ITPR2: variants seen among roughly 807,000 people sequenced by gnomAD.
The protein encoded by ITPR2 is inositol 1,4,5-trisphosphate receptor type 2.
A neutral mutation model predicts 317.1 loss-of-function variants in ITPR2; 207 were observed. The ratio of observed to expected loss-of-function variants is 0.65; its 90% CI spans 0.58 to 0.73. ITPR2 has a LOEUF of 0.73. Ranked by LOEUF, ITPR2 falls within the 30% of genes least tolerant of loss-of-function variation. ITPR2 has a pLI of 0.00. For synonymous variants in ITPR2, 1,156 were observed against 1,149.1 expected (o/e 1.01, Z -0.12); for missense variants, 2,613 against 3,284.0 (o/e 0.80, Z 4.99).
chr12:26,810,328 A>C (rs1220430232), intron 1 of ITPR2, among the ~76,000 whole-genome samples: 1 of 152,186 alleles, frequency 6.6e-6, no homozygotes, highest in Non-Finnish European at 1.5e-5. Flanking sequence ...TTCAGTGTTA[A>C]ATCAGTGAAA....
intron 52 of ITPR2, among the ~76,000 whole-genome samples, chr12:26,406,252 A>C (rs1408276277): frequency 6.6e-6 from 1 of 152,090 alleles, no homozygotes; most frequent in East Asian, 1.9e-4. Flanking sequence ...AATTTGAATT[A>C]TTCATAAATG....
At chr12:26,810,462 G>A (rs936511203) in intron 1 of ITPR2, among the ~76,000 whole-genome samples, 2 of 152,090 alleles carry the variant, frequency 1.3e-5, no homozygotes, top group Non-Finnish European at 1.5e-5. Flanking sequence ...AGCACAGCCC[G>A]GCTCAGACAT....
chr12:26,596,159 T>C (rs1254646231), intron 31 of ITPR2, among the ~76,000 whole-genome samples: 3 of 152,240 alleles, frequency 2.0e-5, no homozygotes, highest in African/African-American at 7.2e-5. Flanking sequence ...CTGCAGAGTC[T>C]TTTATGTGGT....
chr12:26,557,941 C>A (rs1408292486), intron 35 of ITPR2, among the ~76,000 whole-genome samples: 1 of 151,950 alleles, frequency 6.6e-6, no homozygotes, highest in African/African-American at 2.4e-5. Flanking sequence ...AGAACATTGC[C>A]AATTGCTTAT....
In ITPR2 at chr12:26,556,412, G is replaced by C. The variant is rs770884726; in HGVS notation, c.4822-37C>G. On this transcript the variant is annotated intron_variant, in intron 35 of 56. Transcript: ENST00000381340. ...AACACAAGAGAACCCACATGAAGGC[G>C]TAAGTCAGATTTCATCTTTCGAAGA... 1.5e-5 allele frequency: 23 copies of C among 1,585,092 alleles called. 1 individual carries two copies. Among genetic ancestry groups the C allele is most frequent in the Admixed American group, 5.6e-5 (3 of 54,036 alleles).
chr12:26,414,041 G>GTA (rs570840795), intron 51 of ITPR2, among the ~76,000 whole-genome samples: 2,381 of 61,664 alleles, frequency 0.039, 31 homozygotes, highest in South Asian at 0.094. Flanking sequence ...TAGTCTACAT[G>GTA]TATATATGTA....
intron 10 of ITPR2, among the ~76,000 whole-genome samples, chr12:26,693,417 A>G (rs147329365): frequency 6.6e-6 from 1 of 152,292 alleles, no homozygotes; most frequent in African/African-American, 2.4e-5. Context: ...TCCATACCCT[A>G]TGTAGTCAAC....
chr12:26,343,500 C>T (rs377471476), intron 55 of ITPR2, among the ~76,000 whole-genome samples: 5 of 152,126 alleles, frequency 3.3e-5, no homozygotes, highest in South Asian at 4.1e-4. Context: ...ATGTGCTTCA[C>T]GCCACAAAAC....
intron 20 of ITPR2, among the ~76,000 whole-genome samples, 177 bp downstream of exon 20, chr12:26,655,531 G>A (rs528564709): frequency 2.0e-4 from 30 of 150,854 alleles, no homozygotes; most frequent in Admixed American, 1.1e-3. Flanking sequence ...GGAGAATGGC[G>A]TGAACCCGGG....
At chr12:26,792,257 T>G (rs961259906) in intron 1 of ITPR2, among the ~76,000 whole-genome samples, 7 of 152,050 alleles carry the variant, frequency 4.6e-5, no homozygotes, top group African/African-American at 1.4e-4. Flanking sequence ...CCTGAAGACT[T>G]AAAGAATTGG....
intron 55 of ITPR2, among the ~76,000 whole-genome samples, chr12:26,357,380 G>C (rs1469781279): frequency 6.6e-6 from 1 of 152,210 alleles, no homozygotes; most frequent in Non-Finnish European, 1.5e-5. Flanking sequence ...ACACACTAAT[G>C]TGTAGGGAGG....
chr12:26,497,131 T>A (rs551805207), intron 37 of ITPR2, among the ~76,000 whole-genome samples: 2 of 150,430 alleles, frequency 1.3e-5, no homozygotes, highest in East Asian at 4.0e-4. Flanking sequence ...TTAACCAAAT[T>A]GAACCATGTG....
At chr12:26,504,185 CCCT>C (rs1028344599) in intron 37 of ITPR2, among the ~76,000 whole-genome samples, 2 of 152,120 alleles carry the variant, frequency 1.3e-5, no homozygotes, top group Non-Finnish European at 2.9e-5. Flanking sequence ...GAGCTATTTT[CCCT>C]CCTATTTAGT....
chr12:26,597,352 G>C (rs1199198251), intron 30 of ITPR2, among the ~76,000 whole-genome samples: 1 of 152,204 alleles, frequency 6.6e-6, no homozygotes, highest in Non-Finnish European at 1.5e-5. Context: ...AGGCGATGTG[G>C]AAGCAGCAGA....
intron 2 of ITPR2, among the ~76,000 whole-genome samples, chr12:26,789,577 G>C (rs957554365): frequency 6.6e-6 from 1 of 152,148 alleles, no homozygotes; most frequent in Non-Finnish European, 1.5e-5. Flanking sequence ...TTAGCTTTCT[G>C]TGATTCTCTA....
chr12:26,676,836 A>G (rs2136951633), intron 13 of ITPR2, among the ~76,000 whole-genome samples: 1 of 152,276 alleles, frequency 6.6e-6, no homozygotes, highest in East Asian at 1.9e-4. Context: ...ATCAGTAAAA[A>G]CAAAAGGTGG....
intron 35 of ITPR2, among the ~76,000 whole-genome samples, chr12:26,557,435 C>A (rs1944693763): frequency 6.6e-6 from 1 of 152,238 alleles, no homozygotes; most frequent in Non-Finnish European, 1.5e-5. Flanking sequence ...TTATGCGACA[C>A]AGTCCCAGTC....
rs1940814841 is a variant in ITPR2, at chr12:26,419,189, C to A, written c.6970G>T (p.Val2324Leu). The change falls in exon 50 of 57, where the codon GTG becomes TTG. Residue 2324 changes from valine to leucine, a missense_variant. Around this residue, in one of 9 missense-constraint regions of ITPR2, gnomAD observed 78 missense variants for 110.3 expected, o/e 0.71. Coordinates refer to ENST00000381340, the MANE Select transcript of ITPR2 (RefSeq NM_002223.4). ...GTGCCACGATTTCCAACAAAACTCA[C>A]CAGAAAAACAATTTTATTACAAAGC... Reference protein sequence around the residue: ...ANLCNKIVFLVSFVGNRGTFT... With the variant: ...ANLCNKIVFLLSFVGNRGTFT... 1.9e-6 allele frequency: 3 copies of A among 1,613,420 alleles called. No individual in the cohort carries two copies. The highest frequency in any genetic ancestry group is 2.5e-6 in the Non-Finnish European group (3 of 1,179,616).
At chr12:26,784,729 A>T in intron 2 of ITPR2, among the ~76,000 whole-genome samples, 1 of 150,674 alleles carries the variant, frequency 6.6e-6, no homozygotes, top group Non-Finnish European at 1.5e-5. Context: ...TGGCCCCCCA[A>T]AGTGCCGAGA....
Sources: gnomAD v4.1 joint callset for allele counts (sites outside exome capture counted in the v4.1 genomes callset) on GRCh38, gnomAD v4.1.1 for gene constraint, gnomAD v4.1.1 regional missense constraint, MANE v1.5 for transcripts, NCBI Gene and HGNC (gene_info 2026-07-23, HGNC 2026-07-21) for gene names.